The following PTPRD variants were observed in gnomAD, a reference collection of about 807,000 sequenced individuals.
PTPRD encodes receptor-type tyrosine-protein phosphatase delta.
A neutral mutation model predicts 214.5 loss-of-function variants in PTPRD; 34 were observed. The observed-to-expected ratio is 0.16, with a 90% confidence interval of 0.12 to 0.21. PTPRD has a LOEUF of 0.21. Among genes scored for constraint, PTPRD ranks in the 10% least tolerant of loss-of-function variants. The pLI is 1.00. For missense variants in PTPRD, 2,545 were observed against 2,398.7 expected, an observed-to-expected ratio of 1.06 and a Z score of -1.27; for synonymous variants, 1,128 against 845.7, an observed-to-expected ratio of 1.33 and a Z score of -5.79.
intron 39 of PTPRD, among the ~76,000 whole-genome samples, chr9:8,370,666 A>G (rs2081268444): frequency 6.6e-6 from 1 of 152,068 alleles, no homozygotes; most frequent in Non-Finnish European, 1.5e-5. Flanking sequence ...ATGGAATCAG[A>G]AAGGAAGGAG....
intron 10 of PTPRD, among the ~76,000 whole-genome samples, chr9:9,053,958 C>A (rs1269785734): frequency 6.6e-6 from 1 of 152,036 alleles, no homozygotes; most frequent in African/African-American, 2.4e-5. Context: ...TTAAAAGATT[C>A]CCCCTAAATT....
At chr9:8,844,491 T>C (rs906442551) in intron 11 of PTPRD, among the ~76,000 whole-genome samples, 1 of 152,220 alleles carries the variant, frequency 6.6e-6, no homozygotes, top group Non-Finnish European at 1.5e-5. Context: ...GTTTCTATCA[T>C]TTTTAAAAGC....
chr9:10,174,667 C>T (rs567126345), intron 3 of PTPRD, among the ~76,000 whole-genome samples: 20 of 151,444 alleles, frequency 1.3e-4, no homozygotes, highest in African/African-American at 4.6e-4. Context: ...TGTATTTCCC[C>T]AAAAAAAGTG....
At position 9,356,442 on chromosome 9, in the gene PTPRD, C is replaced by A. The variant is rs755421804; in HGVS notation, c.-203+41007G>T. 4.6e-5 allele frequency among the ~76,000 whole-genome samples: 7 copies of A among 151,264 alleles called. No individual in the cohort carries two copies. The South Asian group carries it at 6.2e-4, about 13-fold the overall frequency. On this transcript the variant is annotated intron_variant, in intron 9 of 45. Coordinates refer to ENST00000381196, the MANE Select transcript of PTPRD (RefSeq NM_002839.4). ...ACAGTCTATTGTATAATAAACAAAC[C>A]AAGTGAAATGCAAACACACATTTAA...
At chr9:9,219,962 T>C (rs959577327) in intron 9 of PTPRD, among the ~76,000 whole-genome samples, 4 of 152,194 alleles carry the variant, frequency 2.6e-5, no homozygotes, top group African/African-American at 9.6e-5. Context: ...ATCCATTTGA[T>C]ACGGACTTTT....
chr9:8,581,389 A>C (rs748214592), intron 14 of PTPRD, among the ~76,000 whole-genome samples: 2 of 152,182 alleles, frequency 1.3e-5, no homozygotes, highest in Non-Finnish European at 2.9e-5. Flanking sequence ...TTAAAATCCT[A>C]AACTTCCAGT....
At chr9:9,974,096 G>C (rs1218618635) in intron 4 of PTPRD, among the ~76,000 whole-genome samples, 1 of 152,126 alleles carries the variant, frequency 6.6e-6, no homozygotes, top group East Asian at 1.9e-4. Context: ...GCTAGAATTA[G>C]GCTTGCTCAA....
chr9:10,560,891 G>GT (rs368418390), intron 2 of PTPRD, among the ~76,000 whole-genome samples: 1 of 152,304 alleles, frequency 6.6e-6, no homozygotes, highest in East Asian at 1.9e-4. Flanking sequence ...ACTGTGGAAA[G>GT]TTCTGCTGAA....
intron 3 of PTPRD, among the ~76,000 whole-genome samples, chr9:10,181,725 G>C (rs945688369): frequency 6.6e-6 from 1 of 151,070 alleles, no homozygotes; most frequent in Non-Finnish European, 1.5e-5. Flanking sequence ...CTATGGCAAG[G>C]TGAACTGTTA....
intron 3 of PTPRD, among the ~76,000 whole-genome samples, chr9:10,201,123 C>G (rs1031419837): frequency 1.3e-5 from 2 of 151,984 alleles, no homozygotes; most frequent in Admixed American, 6.6e-5. Context: ...ACATCTGACT[C>G]TTGCTTGGAA....
chr9:10,418,446 TACACAC>T (rs3076350), intron 2 of PTPRD, among the ~76,000 whole-genome samples: 10,955 of 124,590 alleles, frequency 0.088, 678 homozygotes, highest in African/African-American at 0.17. Context: ...CCTTCCCCTC[TACACAC>T]ACACACACAC....
chr9:10,581,903 C>A (rs1354822699), intron 2 of PTPRD, among the ~76,000 whole-genome samples: 1 of 151,884 alleles, frequency 6.6e-6, no homozygotes, highest in Admixed American at 6.6e-5. Flanking sequence ...GCTACATCAC[C>A]CATAAGAAAG....
intron 3 of PTPRD, among the ~76,000 whole-genome samples, chr9:10,222,524 A>C (rs10958955): frequency 0.084 from 12,844 of 152,158 alleles, 697 homozygotes; most frequent in Non-Finnish European, 0.12. Context: ...ACTTAATATG[A>C]GTGGACATTT....
At chr9:9,598,954 C>A (rs185512823) in intron 7 of PTPRD, among the ~76,000 whole-genome samples, 2 of 152,082 alleles carry the variant, frequency 1.3e-5, no homozygotes, top group African/African-American at 4.8e-5. Context: ...TTCTTGGTTC[C>A]TAAGCCCCTC....
chr9:8,491,234 T>C (rs930126787), intron 27 of PTPRD, among the ~76,000 whole-genome samples: 3 of 152,238 alleles, frequency 2.0e-5, no homozygotes, highest in African/African-American at 7.2e-5. Flanking sequence ...GATCTAAAAT[T>C]GTGAATGAAA....
intron 5 of PTPRD, among the ~76,000 whole-genome samples, chr9:9,848,023 CT>C (rs1268446877): frequency 1.3e-5 from 2 of 152,128 alleles, no homozygotes; most frequent in African/African-American, 4.8e-5. Flanking sequence ...GCATTGAAGA[CT>C]TTTCTCATAA....
chr9:8,590,807 G>A (rs2094038006), intron 14 of PTPRD, among the ~76,000 whole-genome samples: 1 of 152,170 alleles, frequency 6.6e-6, no homozygotes, highest in African/African-American at 2.4e-5. Context: ...TAGGTAATTA[G>A]TTTCCTACTG....
intron 3 of PTPRD, among the ~76,000 whole-genome samples, chr9:10,123,151 G>A (rs1421423745): frequency 1.3e-5 from 2 of 152,236 alleles, no homozygotes; most frequent in African/African-American, 4.8e-5. Flanking sequence ...GCTGACAGTA[G>A]ACGTTCCCTG....
At chr9:9,461,130 G>A (rs1046308138) in intron 8 of PTPRD, among the ~76,000 whole-genome samples, 1 of 151,766 alleles carries the variant, frequency 6.6e-6, no homozygotes, top group Non-Finnish European at 1.5e-5. Flanking sequence ...GGGTATACAT[G>A]AACATAAAGA....
Sources: allele counts gnomAD v4.1 joint callset (sites outside exome capture counted in the v4.1 genomes callset), GRCh38; gene constraint gnomAD v4.1.1; transcripts MANE v1.5; gene names NCBI Gene and HGNC (gene_info 2026-07-23, HGNC 2026-07-21).